The following MDGA2 variants were observed in gnomAD, a reference collection of about 807,000 sequenced individuals.
The protein encoded by MDGA2 is MAM domain-containing glycosylphosphatidylinositol anchor protein 2.
Under a neutral mutation model 117.8 loss-of-function variants are expected in MDGA2, and 40 were observed. That is an observed-to-expected ratio of 0.34 (90% CI 0.26 to 0.44). The LOEUF (loss-of-function observed/expected upper bound fraction) is 0.44. Ranked by LOEUF, MDGA2 falls within the 20% of genes least tolerant of loss-of-function variation. MDGA2 has a pLI of 1.00. For synonymous variants in MDGA2, 452 were observed against 439.0 expected (o/e 1.03, Z -0.37); for missense variants, 1,123 against 1,250.6 (o/e 0.90, Z 1.54).
chr14:47,546,921 G>A (rs1369264214), intron 1 of MDGA2, among the ~76,000 whole-genome samples: 1 of 152,086 alleles, frequency 6.6e-6, no homozygotes, highest in Non-Finnish European at 1.5e-5. Flanking sequence ...CACAGTAAAT[G>A]GAATGAATTA....
intron 7 of MDGA2, chr14:47,058,920 T>C (rs1261893751): frequency 1.0e-6 from 1 of 970,582 alleles, no homozygotes; most frequent in South Asian, 4.7e-5. Context: ...GTTGCCATAG[T>C]GAGTTTATTA....
intron 5 of MDGA2, among the ~76,000 whole-genome samples, chr14:47,107,491 C>A (rs1047452801): frequency 6.6e-6 from 1 of 151,794 alleles, no homozygotes; most frequent in Non-Finnish European, 1.5e-5. Flanking sequence ...CTTCGCTTTC[C>A]CTTGGACTGA....
chr14:47,281,009 A>G (rs1888470393), intron 2 of MDGA2, among the ~76,000 whole-genome samples: 2 of 147,782 alleles, frequency 1.4e-5, no homozygotes, highest in Admixed American at 1.4e-4. Flanking sequence ...TATATGGTAT[A>G]TAATATATAA....
chr14:46,903,203 C>A (rs1158520273), intron 10 of MDGA2, among the ~76,000 whole-genome samples: 1 of 152,144 alleles, frequency 6.6e-6, no homozygotes, highest in African/African-American at 2.4e-5. Flanking sequence ...AATGTGTCCA[C>A]ATGCCTAACT....
In MDGA2 at chr14:47,457,213, T is replaced by C. The variant is rs527519241; in HGVS notation, c.281-155663A>G. Among the ~76,000 whole-genome samples the C allele has an allele frequency of 8.5e-5, 13 of 152,270 alleles. No individual in the cohort carries two copies. In the South Asian group the frequency reaches 2.5e-3, roughly 29 times the overall value. ...TTTCTTCTTGGAATATATTCTCCCA[T>C]AAAAGGAAATATTAGTCACATATCA... On this transcript the variant is annotated intron_variant, in intron 1 of 16. Coordinates refer to ENST00000399232, the MANE Select transcript of MDGA2 (RefSeq NM_001113498.3).
chr14:47,435,997 G>A (rs1892889963), intron 1 of MDGA2, among the ~76,000 whole-genome samples: 2 of 151,932 alleles, frequency 1.3e-5, no homozygotes, highest in Admixed American at 6.6e-5. Flanking sequence ...TCTCTCTCAA[G>A]CTGGTCGCTT....
intron 3 of MDGA2, among the ~76,000 whole-genome samples, chr14:47,180,327 T>C (rs1000794464): frequency 3.9e-5 from 6 of 151,954 alleles, no homozygotes; most frequent in Non-Finnish European, 8.8e-5. Context: ...AGCAACTGCA[T>C]CAAAAGCAAA....
At chr14:47,079,635 G>C (rs1283581458) in intron 6 of MDGA2, among the ~76,000 whole-genome samples, 1 of 150,158 alleles carries the variant, frequency 6.7e-6, no homozygotes, top group African/African-American at 2.4e-5. Context: ...AATGTCAGTA[G>C]TTATGTGGTA....
At chr14:47,635,785 A>G (rs1351323911) in intron 1 of MDGA2, among the ~76,000 whole-genome samples, 1 of 152,182 alleles carries the variant, frequency 6.6e-6, no homozygotes, top group Admixed American at 6.5e-5. Context: ...AATAATGCTG[A>G]TTTGCTGTCA....
At chr14:47,171,962 C>G (rs747335474) in intron 3 of MDGA2, among the ~76,000 whole-genome samples, 1 of 152,170 alleles carries the variant, frequency 6.6e-6, no homozygotes, top group Admixed American at 6.5e-5. Flanking sequence ...GCTTTTCCGA[C>G]GGGCTTAAAA....
chr14:47,430,183 T>C (rs8007707), intron 1 of MDGA2, among the ~76,000 whole-genome samples: 98,048 of 151,412 alleles, frequency 0.65, 31,929 homozygotes, highest in Middle Eastern at 0.74. Context: ...TGTTGTGATC[T>C]GAGACATATT....
At chr14:47,002,175 C>A (rs903220738) in intron 8 of MDGA2, among the ~76,000 whole-genome samples, 6 of 151,834 alleles carry the variant, frequency 4.0e-5, no homozygotes, top group Admixed American at 2.0e-4. Context: ...ATTTCATAAA[C>A]CTTCCCAATG....
chr14:47,043,268 A>G (rs1267406200), intron 7 of MDGA2, among the ~76,000 whole-genome samples: 1 of 152,110 alleles, frequency 6.6e-6, no homozygotes, highest in Non-Finnish European at 1.5e-5. Flanking sequence ...ACACGGTTTG[A>G]TGGAAGGTGG....
At chr14:46,998,949 A>G (rs188215580) in intron 8 of MDGA2, among the ~76,000 whole-genome samples, 1 of 152,226 alleles carries the variant, frequency 6.6e-6, no homozygotes, top group African/African-American at 2.4e-5. Flanking sequence ...AAATCTCAGG[A>G]ACCTACCCTT....
intron 1 of MDGA2, among the ~76,000 whole-genome samples, chr14:47,446,828 C>G (rs2138560895): frequency 6.6e-6 from 1 of 152,084 alleles, no homozygotes; most frequent in African/African-American, 2.4e-5. Flanking sequence ...CACCCACTTT[C>G]TAAAGTCAAA....
chr14:47,077,545 C>T (rs1023149061), intron 6 of MDGA2, among the ~76,000 whole-genome samples: 1 of 151,684 alleles, frequency 6.6e-6, no homozygotes, highest in Non-Finnish European at 1.5e-5. Flanking sequence ...TGGGACTTAA[C>T]CCAAGTTAGA....
chr14:47,584,087 T>C (rs540754495), intron 1 of MDGA2, among the ~76,000 whole-genome samples: 3 of 152,022 alleles, frequency 2.0e-5, no homozygotes, highest in Non-Finnish European at 2.9e-5. Context: ...TGTAAATGTT[T>C]ATTTAAATAA....
intron 1 of MDGA2, among the ~76,000 whole-genome samples, chr14:47,609,924 C>G (rs1223207385): frequency 1.1e-4 from 17 of 151,994 alleles, no homozygotes; most frequent in Admixed American, 1.1e-3. Flanking sequence ...AAAAAGAAAA[C>G]TACTGACTGA....
At chr14:46,986,110 G>C (rs1886849597) in intron 8 of MDGA2, among the ~76,000 whole-genome samples, 1 of 152,026 alleles carries the variant, frequency 6.6e-6, no homozygotes, top group Admixed American at 6.6e-5. Context: ...TCCAAGGGAA[G>C]GTAGTAACTA....
Sources: allele counts gnomAD v4.1 joint callset (sites outside exome capture counted in the v4.1 genomes callset), GRCh38; gene constraint gnomAD v4.1.1; transcripts MANE v1.5; gene names NCBI Gene and HGNC (gene_info 2026-07-23, HGNC 2026-07-21).